The following MGAT4C variants were observed in gnomAD, a reference collection of about 807,000 sequenced individuals.
The protein encoded by MGAT4C is MGAT4 family member C.
Under a neutral mutation model 40.1 loss-of-function variants are expected in MGAT4C, and 19 were observed. That is an observed-to-expected ratio of 0.47 (90% CI 0.33 to 0.70). MGAT4C has a LOEUF of 0.70. MGAT4C is among the 30% of genes least tolerant of loss of function. MGAT4C has a pLI of 0.02. For synonymous variants in MGAT4C, 181 were observed against 187.1 expected, an observed-to-expected ratio of 0.97 and a Z score of 0.27; for missense variants, 491 against 563.2, an observed-to-expected ratio of 0.87 and a Z score of 1.30.
intron 2 of MGAT4C, among the ~76,000 whole-genome samples, chr12:86,049,276 T>C (rs1401465370): frequency 6.6e-6 from 1 of 151,908 alleles, no homozygotes; most frequent in Non-Finnish European, 1.5e-5. Context: ...GTTACCAATA[T>C]TAATTACCAT....
intron 1 of MGAT4C, among the ~76,000 whole-genome samples, chr12:86,761,363 A>T (rs1458925013): frequency 1.3e-5 from 2 of 152,280 alleles, no homozygotes; most frequent in East Asian, 1.9e-4. Context: ...GTTAAGTGTA[A>T]TTATTTACAA....
chr12:86,145,850 G>T (rs564430037), intron 1 of MGAT4C, among the ~76,000 whole-genome samples: 4 of 152,200 alleles, frequency 2.6e-5, no homozygotes, highest in South Asian at 4.1e-4. Flanking sequence ...CTATAACAAA[G>T]AAATCTTTTC....
chr12:86,782,441 A>G (rs1034739143), intron 1 of MGAT4C, among the ~76,000 whole-genome samples: 3 of 152,040 alleles, frequency 2.0e-5, no homozygotes, highest in Non-Finnish European at 4.4e-5. Flanking sequence ...TCGGCCTCCT[A>G]AAGTGCTGGG....
At chr12:86,803,726 A>T (rs1295306834) in intron 1 of MGAT4C, among the ~76,000 whole-genome samples, 2 of 150,858 alleles carry the variant, frequency 1.3e-5, no homozygotes, top group East Asian at 3.9e-4. Context: ...ATACCATCTC[A>T]CACCAGTTAG....
intron 1 of MGAT4C, among the ~76,000 whole-genome samples, chr12:86,177,747 T>A (rs1425208256): frequency 1.3e-5 from 2 of 152,144 alleles, no homozygotes; most frequent in African/African-American, 4.8e-5. Flanking sequence ...TAATATATTT[T>A]CGATTATATC....
At chr12:86,289,488 G>C (rs897572375) in intron 4 of MGAT4C, among the ~76,000 whole-genome samples, 4 of 151,832 alleles carry the variant, frequency 2.6e-5, no homozygotes, top group Non-Finnish European at 5.9e-5. Flanking sequence ...TCTGTAAATT[G>C]CTTTGGGCCG....
chr12:86,635,680 T>C (rs183357605), intron 2 of MGAT4C, among the ~76,000 whole-genome samples: 86 of 151,878 alleles, frequency 5.7e-4, no homozygotes, highest in East Asian at 1.4e-3. Flanking sequence ...TGTGTGTGTG[T>C]GTATGTATGT....
At chr12:86,435,713 A>T (rs1262950472) in intron 2 of MGAT4C, among the ~76,000 whole-genome samples, 1 of 151,790 alleles carries the variant, frequency 6.6e-6, no homozygotes, top group East Asian at 1.9e-4. Flanking sequence ...TTTGCAAAAA[A>T]CCCACATCAA....
chr12:86,034,752 C>G lies in MGAT4C; in HGVS notation c.-7+14922G>C, dbSNP rs1891071216. Among the ~76,000 whole-genome samples, 5 of 149,108 alleles carry G rather than the reference C, an allele frequency of 3.4e-5. No individual in the cohort carries two copies. In the Admixed American group the frequency reaches 3.4e-4, roughly 10 times the overall value. On this transcript the variant is annotated intron_variant, in intron 2 of 4. Transcript: ENST00000611864. ...CTAGCCCCCGACACCCCAACAGGTT[C>G]CGGTGTGTGATGTTCCCCTCCCTGT...
At chr12:86,533,360 T>C (rs183832985) in intron 2 of MGAT4C, among the ~76,000 whole-genome samples, 27 of 152,134 alleles carry the variant, frequency 1.8e-4, no homozygotes, top group African/African-American at 5.8e-4. Flanking sequence ...TAGCTTAAAA[T>C]ATAGCCCATT....
In MGAT4C at chr12:86,784,376, T is replaced by G. The variant is rs116645057; in HGVS notation, c.-262+54290A>C. ...TCCTTCCTTCATTACTCTTGTATTT[T>G]CCTATGAATTGAGTATTGGGTTTAG... On this transcript the variant is annotated intron_variant, in intron 1 of 7. Transcript: ENST00000548651. 4.3e-3 allele frequency among the ~76,000 whole-genome samples: 653 copies of G among 152,220 alleles called. 1 individual carries two copies. Among genetic ancestry groups the G allele is most frequent in the African/African-American group, 0.015 (639 of 41,550 alleles).
intron 2 of MGAT4C, among the ~76,000 whole-genome samples, chr12:86,021,391 T>C (rs1458622809): frequency 2.0e-5 from 3 of 151,792 alleles, no homozygotes; most frequent in South Asian, 4.2e-4. Flanking sequence ...ATATACACCA[T>C]GGAATACTAT....
At chr12:86,361,699 A>G (rs1955477873) in intron 3 of MGAT4C, among the ~76,000 whole-genome samples, 1 of 152,254 alleles carries the variant, frequency 6.6e-6, no homozygotes, top group South Asian at 2.1e-4. Flanking sequence ...ACTTCTCAAA[A>G]GAAGACATTT....
intron 1 of MGAT4C, among the ~76,000 whole-genome samples, chr12:86,064,834 G>A (rs1244577081): frequency 3.3e-5 from 5 of 152,068 alleles, no homozygotes; most frequent in Admixed American, 2.0e-4. Flanking sequence ...AAGAAGAAAA[G>A]AGAGAAGAAT....
At chr12:86,561,457 A>G (rs548387884) in intron 2 of MGAT4C, among the ~76,000 whole-genome samples, 2 of 152,214 alleles carry the variant, frequency 1.3e-5, no homozygotes, top group Non-Finnish European at 2.9e-5. Flanking sequence ...GAAAGAGCAG[A>G]CATGCTGAGT....
chr12:86,683,809 A>C (rs1358935114), intron 2 of MGAT4C, among the ~76,000 whole-genome samples: 1 of 152,140 alleles, frequency 6.6e-6, no homozygotes, highest in Admixed American at 6.5e-5. Flanking sequence ...GATCACAAGA[A>C]CTCAGCACCA....
chr12:86,740,464 A>G lies in MGAT4C; in HGVS notation c.-261-13223T>C, dbSNP rs1016640025. Among the ~76,000 whole-genome samples, 5 of 151,384 alleles carry G rather than the reference A, an allele frequency of 3.3e-5. No individual in the cohort carries two copies. The East Asian group carries it at 9.7e-4, about 29-fold the overall frequency. ...TAAATGTAAGCTTTTATTAACCAAAAAGATAATAGAGGGTGCATTTAATTA... is the reference window on the plus strand; with the variant it reads ...TAAATGTAAGCTTTTATTAACCAAAGAGATAATAGAGGGTGCATTTAATTA... On this transcript the variant is annotated intron_variant, in intron 1 of 7. Coordinates refer to the MGAT4C transcript ENST00000548651.
intron 1 of MGAT4C, among the ~76,000 whole-genome samples, chr12:86,742,792 T>C (rs1951088048): frequency 6.6e-6 from 1 of 151,562 alleles, no homozygotes; most frequent in African/African-American, 2.4e-5. Context: ...AGGAACCATC[T>C]TGGCATGTAA....
chr12:86,200,308 T>C (rs999298201), intron 1 of MGAT4C, among the ~76,000 whole-genome samples: 1 of 152,110 alleles, frequency 6.6e-6, no homozygotes, highest in African/African-American at 2.4e-5. Context: ...TGGTAGTTTC[T>C]AGTCTTTGAC....
Sources: allele counts gnomAD v4.1 joint callset (sites outside exome capture counted in the v4.1 genomes callset), GRCh38; gene constraint gnomAD v4.1.1; transcripts MANE v1.5; gene names NCBI Gene and HGNC (gene_info 2026-07-23, HGNC 2026-07-21).